The following IPO7 variants were observed in gnomAD, a reference collection of about 807,000 sequenced individuals.
IPO7 encodes the protein importin 7.
In IPO7, 13 loss-of-function variants were observed where a neutral mutation model predicts 136.4. The observed-to-expected ratio is 0.10, with a 90% CI of 0.06 to 0.15. IPO7 has a LOEUF of 0.15. IPO7 is among the 10% of genes least tolerant of loss of function. IPO7 has a pLI of 1.00. For missense variants in IPO7, 857 were observed against 1,240.6 expected (o/e 0.69, Z 4.65); for synonymous variants, 403 against 404.4 (o/e 1.00, Z 0.04).
At position 9,446,420 on chromosome 11, in the gene IPO7, G is replaced by C. The variant is rs1449738145; in HGVS notation, c.*1226G>C. 6.6e-6 allele frequency: 1 copy of C among 152,174 alleles called. No individual in the cohort carries two copies. The highest frequency in any genetic ancestry group is 3.4e-3 in the Middle Eastern group (1 of 294). The allele number at this position is 152,174 out of a possible 1,614,324, so 9.4% of individuals were successfully genotyped here. On this transcript the variant is annotated 3_prime_UTR_variant, in exon 25 of 25. Coordinates refer to ENST00000379719, the MANE Select transcript of IPO7 (RefSeq NM_006391.3). ...GTGGTATCTGATCTTGACTAGATAG[G>C]CTGAAGGCACATGGTTCCCTCCAAA...
chr11:9,433,629 T>C lies in IPO7; in HGVS notation c.1941T>C (p.His647=). Residue 647 remains histidine, a synonymous_variant, in exon 17 of 25, where the codon CAT becomes CAC. Transcript: ENST00000379719. Reference sequence around the variant, plus strand: ...TCATTGGTACTGTTTTACAACAGCATGTCTTAGGTATTATACCTCTGATTG... The same window carrying C: ...TCATTGGTACTGTTTTACAACAGCACGTCTTAGGTATTATACCTCTGATTG... ...LQVIGTVLQQ[H]VLEFYEEIFS... is the part of the protein sequence containing the mutation. 1 of 1,612,958 alleles carries C rather than the reference T, an allele frequency of 6.2e-7. No homozygotes were observed. Among genetic ancestry groups the C allele is most frequent in the Non-Finnish European group, 8.5e-7 (1 of 1,179,722 alleles).
At chr11:9,388,140 T>C (rs1854578091) in intron 1 of IPO7, among the ~76,000 whole-genome samples, 1 of 151,612 alleles carries the variant, frequency 6.6e-6, no homozygotes, top group Non-Finnish European at 1.5e-5. Context: ...AGAGCGAAAC[T>C]GCGTCTCAAA....
intron 1 of IPO7, 117 bp from the exon 2 acceptor site, chr11:9,403,173 G>A (rs773179062): frequency 4.2e-6 from 3 of 713,410 alleles, no homozygotes; most frequent in Non-Finnish European, 7.4e-6. Flanking sequence ...ACTGGAACCA[G>A]TTATGAAGAG....
chr11:9,439,749 A>G (rs1485433238), intron 22 of IPO7, among the ~76,000 whole-genome samples: 1 of 151,316 alleles, frequency 6.6e-6, no homozygotes, highest in Admixed American at 6.6e-5. Flanking sequence ...TAATTTTTGT[A>G]TTTTTAGTAG....
chr11:9,414,363 T>C lies in IPO7; in HGVS notation c.588T>C (p.Ser196=). ...TTCTTTCTGACCAGTCTGATCAGTC[T>C]GTCCTCATCCAGAAACAGATATTCA... The part of the protein sequence containing the change: ...IQLLSDQSDQ[S]VLIQKQIFKI... Residue 196 remains serine, a synonymous_variant, in exon 5 of 25, where the codon TCT becomes TCC. Coordinates refer to ENST00000379719, the MANE Select transcript of IPO7 (RefSeq NM_006391.3). 1 of 1,612,188 alleles carries C rather than the reference T, an allele frequency of 6.2e-7. No individual in the cohort carries two copies.
chr11:9,443,038 A>G (rs1291938568), intron 24 of IPO7, among the ~76,000 whole-genome samples: 1 of 151,644 alleles, frequency 6.6e-6, no homozygotes, highest in East Asian at 2.0e-4. Flanking sequence ...AAACAGAAAC[A>G]AAAAAAACTA....
intron 16 of IPO7, 44 bp downstream of exon 16, chr11:9,431,047 G>C: frequency 6.5e-7 from 1 of 1,546,950 alleles, no homozygotes; most frequent in Non-Finnish European, 8.9e-7. Context: ...GCCATTTTAT[G>C]CTTTTTAGAG....
chr11:9,401,975 T>C (rs1854803508), intron 1 of IPO7, among the ~76,000 whole-genome samples: 1 of 152,188 alleles, frequency 6.6e-6, no homozygotes, highest in African/African-American at 2.4e-5. Flanking sequence ...TGGACTAAAC[T>C]GTTCATTTTT....
chr11:9,410,873 A>G (rs1854959378), intron 4 of IPO7, among the ~76,000 whole-genome samples: 1 of 152,202 alleles, frequency 6.6e-6, no homozygotes, highest in South Asian at 2.1e-4. Flanking sequence ...TAACAGCTAC[A>G]CAGATGCCAT....
Position 9,433,737 on chromosome 11 carries a change from C to A in IPO7, c.1965C>A (p.Ile655=). The change falls in exon 18 of 25, where the codon ATC becomes ATA. Residue 655 remains isoleucine (I), a synonymous_variant. Coordinates refer to ENST00000379719, the MANE Select transcript of IPO7 (RefSeq NM_006391.3). ...CTCTTTTAGAATTCTATGAGGAGAT[C>A]TTCTCTTTAGCGCACAGTTTGACAT... ...QQHVLEFYEE[I]FSLAHSLTCQ... is the part of the protein sequence containing the mutation. 6.2e-7 allele frequency: 1 copy of A among 1,612,572 alleles called. No homozygotes were observed. The highest frequency in any genetic ancestry group is 8.5e-7 in the Non-Finnish European group (1 of 1,179,944).
intron 8 of IPO7, 120 bp from the exon 9 acceptor site, chr11:9,422,886 C>T (rs372147034): frequency 1.5e-4 from 79 of 525,224 alleles, no homozygotes; most frequent in Middle Eastern, 1.1e-3. Context: ...TCAAAGTATA[C>T]GGTTGTTTTT....
intron 12 of IPO7, among the ~76,000 whole-genome samples, chr11:9,427,035 A>G (rs1157374768): frequency 6.6e-6 from 1 of 151,992 alleles, no homozygotes. Context: ...TTTTTAGTAG[A>G]GATGGGGTTT....
intron 22 of IPO7, among the ~76,000 whole-genome samples, chr11:9,439,925 T>A (rs1855437917): frequency 6.6e-6 from 1 of 152,238 alleles, no homozygotes; most frequent in African/African-American, 2.4e-5. Context: ...ATGGTCTTAA[T>A]GTTGACTAAA....
intron 18 of IPO7, among the ~76,000 whole-genome samples, chr11:9,434,454 TTAA>T (rs757848267): frequency 9.2e-5 from 14 of 152,296 alleles, no homozygotes; most frequent in Non-Finnish European, 2.1e-4. Context: ...GAAAATCACT[TTAA>T]TAATAGGTTC....
chr11:9,418,750 G>A (rs1855079320), intron 6 of IPO7, among the ~76,000 whole-genome samples: 1 of 152,068 alleles, frequency 6.6e-6, no homozygotes, highest in Non-Finnish European at 1.5e-5. Context: ...CAGTGAGTTA[G>A]CACAATTATT....
At chr11:9,402,140 G>A (rs1406495314) in intron 1 of IPO7, among the ~76,000 whole-genome samples, 1 of 152,150 alleles carries the variant, frequency 6.6e-6, no homozygotes, top group African/African-American at 2.4e-5. Flanking sequence ...GGTGCCTCGT[G>A]CCTGTAATCC....
At chr11:9,397,341 A>AAAAAATATATATATATATATAT in intron 1 of IPO7, among the ~76,000 whole-genome samples, 1 of 10,760 alleles carries the variant, frequency 9.3e-5, no homozygotes, top group African/African-American at 2.5e-4. Flanking sequence ...TTTAAAAAAA[A>AAAAAATATATATATATATATAT]ATATATATAT....
Position 9,414,277 on chromosome 11 carries a change from A to G in IPO7, c.502A>G (p.Ser168Gly). Residue 168 changes from serine to glycine, a missense_variant, in exon 5 of 25, where the codon AGT becomes GGT. Transcript: ENST00000379719. ...AAGGTATAAAAAACCAGAGGAGCGG[A>G]GTCCATTGGTAGCAGCAATGCAGCA... ...NYEYKKPEER[S>G]PLVAAMQHFL... The G allele has an allele frequency of 2.5e-6, 4 of 1,611,316 alleles. No homozygotes were observed. The South Asian group carries it at 4.4e-5, about 18-fold the overall frequency.
intron 1 of IPO7, among the ~76,000 whole-genome samples, chr11:9,397,341 A>AAATATAT: frequency 6.5e-4 from 7 of 10,762 alleles, no homozygotes; most frequent in Non-Finnish European, 1.3e-3. Context: ...TTTAAAAAAA[A>AAATATAT]ATATATATAT....
Sources: allele counts gnomAD v4.1 joint callset (sites outside exome capture counted in the v4.1 genomes callset), GRCh38; gene constraint gnomAD v4.1.1; transcripts MANE v1.5; gene names NCBI Gene and HGNC (gene_info 2026-07-23, HGNC 2026-07-21).